The following RPS6KA2 variants were observed in gnomAD, a reference collection of about 807,000 sequenced individuals.
RPS6KA2 encodes the protein ribosomal protein S6 kinase A2, also known as ribosomal protein S6 kinase alpha-2.
A neutral mutation model predicts 91.8 loss-of-function variants in RPS6KA2; 42 were observed. The observed-to-expected ratio is 0.46, with a 90% CI of 0.36 to 0.59. The LOEUF (loss-of-function observed/expected upper bound fraction) is 0.59. Ranked by LOEUF, RPS6KA2 falls within the 20% of genes least tolerant of loss-of-function variation. The pLI is 0.00. For synonymous variants in RPS6KA2, 414 were observed against 393.6 expected, an observed-to-expected ratio of 1.05 and a Z score of -0.61; for missense variants, 798 against 978.5, an observed-to-expected ratio of 0.82 and a Z score of 2.46.
At chr6:166,674,036 G>T (rs577282316) in intron 2 of RPS6KA2, among the ~76,000 whole-genome samples, 1 of 152,214 alleles carries the variant, frequency 6.6e-6, no homozygotes. Flanking sequence ...GAGCTGCATC[G>T]CTGGGGAAAG....
intron 2 of RPS6KA2, among the ~76,000 whole-genome samples, chr6:166,816,453 G>A (rs1313041971): frequency 6.6e-6 from 1 of 151,042 alleles, no homozygotes; most frequent in East Asian, 1.9e-4. Flanking sequence ...TACTTGGGAG[G>A]CTGAGGCAAA....
intron 2 of RPS6KA2, among the ~76,000 whole-genome samples, chr6:166,822,682 C>T (rs1779933187): frequency 6.6e-6 from 1 of 152,200 alleles, no homozygotes; most frequent in Non-Finnish European, 1.5e-5. Flanking sequence ...TGTCTGTCTC[C>T]ATCCAGCAGA....
At chr6:166,847,949 G>T (rs1334283750) in intron 2 of RPS6KA2, among the ~76,000 whole-genome samples, 1 of 152,154 alleles carries the variant, frequency 6.6e-6, no homozygotes, top group Non-Finnish European at 1.5e-5. Flanking sequence ...CACAGCAAAA[G>T]AAATGATCAG....
At chr6:166,676,818 C>T (rs1788634369) in intron 2 of RPS6KA2, among the ~76,000 whole-genome samples, 1 of 152,260 alleles carries the variant, frequency 6.6e-6, no homozygotes, top group South Asian at 2.1e-4. Context: ...ATGTATCCTA[C>T]AATACCAAAC....
intron 2 of RPS6KA2, among the ~76,000 whole-genome samples, chr6:166,650,462 C>G (rs1787817308): frequency 6.6e-6 from 1 of 151,808 alleles, no homozygotes; most frequent in African/African-American, 2.4e-5. Context: ...GAGGGGGGTC[C>G]ATGTTCACCG....
intron 2 of RPS6KA2, among the ~76,000 whole-genome samples, chr6:166,684,012 G>A (rs973897419): frequency 3.3e-5 from 5 of 152,172 alleles, no homozygotes; most frequent in African/African-American, 1.2e-4. Context: ...TCCCAGACAC[G>A]CTCTTGTAGG....
intron 2 of RPS6KA2, among the ~76,000 whole-genome samples, chr6:166,755,474 T>C (rs1220161831): frequency 6.6e-6 from 1 of 152,028 alleles, no homozygotes; most frequent in Non-Finnish European, 1.5e-5. Flanking sequence ...TGGGGTTTAT[T>C]TATTTATTTA....
intron 15 of RPS6KA2, among the ~76,000 whole-genome samples, chr6:166,431,245 A>T (rs1264813792): frequency 6.6e-6 from 1 of 152,188 alleles, no homozygotes; most frequent in African/African-American, 2.4e-5. Context: ...AGATATTTAG[A>T]CGTTAAGAAA....
chr6:166,783,826 GCACACGTGCACACCTATCTATACCAC>G (rs1778844793), intron 2 of RPS6KA2, among the ~76,000 whole-genome samples: 1 of 60,066 alleles, frequency 1.7e-5, no homozygotes, highest in Admixed American at 1.7e-4. Flanking sequence ...AACCACATAT[GCACACGTGCACACCTATCTATACCAC>G]ATATGCACAC....
chr6:166,830,218 A>G (rs1780152337), intron 2 of RPS6KA2, among the ~76,000 whole-genome samples: 1 of 152,144 alleles, frequency 6.6e-6, no homozygotes, highest in Non-Finnish European at 1.5e-5. Context: ...CCTTGAGGAC[A>G]TTACGCTAAG....
At chr6:166,571,168 A>C (rs12661820) in intron 1 of RPS6KA2, among the ~76,000 whole-genome samples, 52,656 of 152,096 alleles carry the variant, frequency 0.35, 9,787 homozygotes, top group East Asian at 0.6. Flanking sequence ...TCCACACAGG[A>C]AACAGTAAGC....
chr6:166,576,273 G>C (rs1185566096), intron 1 of RPS6KA2, among the ~76,000 whole-genome samples: 1 of 152,192 alleles, frequency 6.6e-6, no homozygotes, highest in Non-Finnish European at 1.5e-5. Flanking sequence ...ATTGGTACCA[G>C]TAGAGTAAGG....
At chr6:166,842,014 G>A (rs1299322651) in intron 2 of RPS6KA2, among the ~76,000 whole-genome samples, 1 of 152,140 alleles carries the variant, frequency 6.6e-6, no homozygotes, top group Non-Finnish European at 1.5e-5. Flanking sequence ...CCAGTGCCCA[G>A]GCAGCAGGGA....
At position 166,448,821 on chromosome 6, in the gene RPS6KA2, G is replaced by A. The variant is rs1401523347; in HGVS notation, c.1235C>T (p.Thr412Ile). ...GTCCTCCTTGATCTCGTAGCCATCG[G>A]TGAAGTGGATGTTGTTCCCGTGTAA... is the stretch of plus-strand genomic sequence containing the variant. ...QQLHGNNIHF[T>I]DGYEIKEDIG... Residue 412 changes from threonine (T) to isoleucine (I), a missense_variant, in exon 14 of 21, where the codon ACC becomes ATC. By Grantham distance (89) the Thr-to-Ile change is moderately conservative. Coordinates refer to ENST00000265678, the MANE Select transcript of RPS6KA2 (RefSeq NM_021135.6). This position sits in a 1 kb window ranked among gnomAD's most constrained non-coding sequence, Gnocchi z 4.7. The A allele has an allele frequency of 1.9e-6, 3 of 1,613,880 alleles. No homozygotes were observed. The highest frequency in any genetic ancestry group is 2.2e-5 in the East Asian group (1 of 44,886).
chr6:166,642,692 A>G (rs1180991385), intron 2 of RPS6KA2, among the ~76,000 whole-genome samples: 2 of 152,252 alleles, frequency 1.3e-5, no homozygotes, highest in Non-Finnish European at 2.9e-5. Flanking sequence ...GTATAGAACA[A>G]GAAAAAAATT....
At chr6:166,835,415 T>C (rs981629347) in intron 2 of RPS6KA2, among the ~76,000 whole-genome samples, 1 of 152,232 alleles carries the variant, frequency 6.6e-6, no homozygotes, top group African/African-American at 2.4e-5. Context: ...ATCATGACCT[T>C]AGCCTGCATT....
rs1484758512 is a variant in RPS6KA2, at chr6:166,747,208, C to A, written c.123+110992G>T. ...TCAACCCTCTAATCCTGCCTGTGGTCTCTGGGGTGACCAGCCCCCATCCTG... is the reference window on the plus strand; with the variant it reads ...TCAACCCTCTAATCCTGCCTGTGGTATCTGGGGTGACCAGCCCCCATCCTG... On this transcript the variant is annotated intron_variant, in intron 2 of 21. Coordinates refer to the RPS6KA2 transcript ENST00000503859. Among the ~76,000 whole-genome samples the A allele has an allele frequency of 3.3e-5, 5 of 152,188 alleles. No individual in the cohort carries two copies. The East Asian group carries it at 9.6e-4, about 29-fold the overall frequency.
At chr6:166,813,852 G>A (rs1779697909) in intron 2 of RPS6KA2, among the ~76,000 whole-genome samples, 1 of 152,110 alleles carries the variant, frequency 6.6e-6, no homozygotes, top group Non-Finnish European at 1.5e-5. Flanking sequence ...ATACATAATG[G>A]GGTGATGATA....
chr6:166,689,314 T>C (rs1209747640), intron 2 of RPS6KA2, among the ~76,000 whole-genome samples: 1 of 152,166 alleles, frequency 6.6e-6, no homozygotes, highest in Non-Finnish European at 1.5e-5. Context: ...GGGATGAAGG[T>C]AGCATCCCAA....
Sources: allele counts gnomAD v4.1 joint callset (sites outside exome capture counted in the v4.1 genomes callset), GRCh38; gene constraint gnomAD v4.1.1; non-coding constraint Gnocchi (gnomAD v3.1); transcripts MANE v1.5; gene names NCBI Gene and HGNC (gene_info 2026-07-23, HGNC 2026-07-21).